The following POTEF variants were observed in gnomAD, a reference collection of about 807,000 sequenced individuals.
POTEF encodes the protein ANKRD26-like family C member 1B.
Under a neutral mutation model 83.2 loss-of-function variants are expected in POTEF, and 20 were observed. The observed-to-expected ratio is 0.24, with a 90% CI of 0.17 to 0.35. The LOEUF is 0.35. Among genes scored for constraint, POTEF ranks in the 10% least tolerant of loss-of-function variants. POTEF has a pLI of 1.00. For missense variants in POTEF, 550 were observed against 1,203.2 expected (o/e 0.46, Z 8.03); for synonymous variants, 196 against 446.4 (o/e 0.44, Z 7.07).
At chr2:130,102,866 T>A (rs1242859561) in intron 8 of POTEF, among the ~76,000 whole-genome samples, 1 of 151,670 alleles carries the variant, frequency 6.6e-6, no homozygotes, top group Admixed American at 6.6e-5. Context: ...CCAAGCCCTG[T>A]CTTTGTTCAG....
chr2:130,115,166 T>C (rs1287741258), intron 4 of POTEF, 48 bp downstream of exon 4: 79 of 1,612,194 alleles, frequency 4.9e-5, no homozygotes, highest in Non-Finnish European at 6.3e-5. Context: ...TTATGCCATG[T>C]ATTGAAATCA....
At chr2:130,076,555 A>C (rs1046562567) in intron 16 of POTEF, among the ~76,000 whole-genome samples, 30 of 145,452 alleles carry the variant, frequency 2.1e-4, no homozygotes, top group Admixed American at 6.3e-4. Context: ...TCAATAAATT[A>C]TTACTAAATG....
intron 8 of POTEF, among the ~76,000 whole-genome samples, chr2:130,102,517 AGT>A (rs2104802018): frequency 6.9e-6 from 1 of 144,094 alleles, no homozygotes; most frequent in African/African-American, 2.7e-5. Context: ...AAGGAAATTT[AGT>A]TTTAAAGAGA....
chr2:130,125,760 G>A (rs1406346485), intron 2 of POTEF, among the ~76,000 whole-genome samples: 1 of 151,876 alleles, frequency 6.6e-6, no homozygotes, highest in Admixed American at 6.5e-5. Flanking sequence ...ACAAAAAGTA[G>A]CCGGGCGTGG....
In POTEF at chr2:130,109,225, G is replaced by A. The variant is rs1165791166; in HGVS notation, c.1056-1146C>T. The A allele has an allele frequency of 3.3e-5, 5 of 149,464 alleles. No homozygotes were observed. In the East Asian group the frequency reaches 9.8e-4, roughly 29 times the overall value. The allele number at this position is 149,464 out of a possible 1,614,324, so 9.3% of individuals were successfully genotyped here. ...TGCACAAAATATGGAATGCTTCAAA[G>A]ATCTGTCCTGCCTCCTTATGCAGAA... On this transcript the variant is annotated intron_variant, in intron 7 of 16. Transcript: ENST00000409914.
intron 1 of POTEF, among the ~76,000 whole-genome samples, chr2:130,128,579 G>A (rs1376441678): frequency 7.4e-6 from 1 of 134,546 alleles, no homozygotes; most frequent in African/African-American, 2.8e-5. Context: ...CACAGGCAGT[G>A]TAGCACCCGA....
chr2:130,104,036 T>C (rs1391599213), intron 8 of POTEF, among the ~76,000 whole-genome samples: 2 of 146,684 alleles, frequency 1.4e-5, no homozygotes, highest in African/African-American at 2.6e-5. Flanking sequence ...CATTTAGATA[T>C]AGATCACTTT....
Position 130,107,631 on chromosome 2 carries a change from T to G in POTEF, c.1126+378A>C. On this transcript the variant is annotated intron_variant, in intron 8 of 16. Transcript: ENST00000409914. ...CCTCCAGTCAGATCAGTGATAGCAT[T>G]AGATACTCATTGGAGCATGAACCCT... The G allele has an allele frequency of 1.0e-5, 3 of 293,930 alleles. No individual in the cohort carries two copies. In the South Asian group the frequency reaches 1.1e-4, roughly 11 times the overall value. 18.2% of individuals were successfully genotyped at this position (293,930 alleles called of 1,614,324 possible).
chr2:130,117,107 G>A (rs905801786), intron 3 of POTEF, among the ~76,000 whole-genome samples: 4 of 151,492 alleles, frequency 2.6e-5, no homozygotes, highest in East Asian at 1.9e-4. Context: ...ATTTGCAATA[G>A]TAATAATCAC....
At chr2:130,115,980 T>C (rs1351220202) in intron 3 of POTEF, among the ~76,000 whole-genome samples, 1 of 152,058 alleles carries the variant, frequency 6.6e-6, no homozygotes, top group East Asian at 1.9e-4. Flanking sequence ...CATAAAATAA[T>C]GGGGCATCAC....
At chr2:130,096,941 C>CA (rs1439289107) in intron 11 of POTEF, among the ~76,000 whole-genome samples, 1 of 141,900 alleles carries the variant, frequency 7.0e-6, no homozygotes, top group Non-Finnish European at 1.5e-5. Flanking sequence ...AACTCCGTCT[C>CA]AAAAAAAGAA....
intron 8 of POTEF, chr2:130,107,757 A>T: frequency 2.2e-6 from 1 of 444,778 alleles, no homozygotes; most frequent in Non-Finnish European, 4.0e-6. Flanking sequence ...AGATGAGACC[A>T]TCCAGTTGCA....
chr2:130,114,001 C>T (rs1684778349), intron 5 of POTEF, among the ~76,000 whole-genome samples: 1 of 152,054 alleles, frequency 6.6e-6, no homozygotes, highest in African/African-American at 2.4e-5. Flanking sequence ...TATCTTCCAC[C>T]TTCCCATCCA....
At chr2:130,112,775 ATACT>A (rs879803310) in intron 5 of POTEF, among the ~76,000 whole-genome samples, 10 of 149,218 alleles carry the variant, frequency 6.7e-5, no homozygotes, top group Non-Finnish European at 1.3e-4. Context: ...AAAGCTCTAC[ATACT>A]TAAGAGACAC....
chr2:130,100,789 A>G lies in POTEF; in HGVS notation c.1198-69T>C, dbSNP rs1258244466. The G allele has an allele frequency of 3.3e-5, 51 of 1,562,134 alleles. 2 individuals carry two copies. The South Asian group carries it at 6.1e-4, about 19-fold the overall frequency. ...TGTGATGTGTCCTCTTTTGGAGCGCATGTTTTAAAAAAATTTTATTCTTAA... is the reference window on the plus strand; with the variant it reads ...TGTGATGTGTCCTCTTTTGGAGCGCGTGTTTTAAAAAAATTTTATTCTTAA... On this transcript the variant is annotated intron_variant, in intron 9 of 16. Transcript: ENST00000409914.
chr2:130,118,389 G>C (rs1684898759), intron 3 of POTEF, among the ~76,000 whole-genome samples: 1 of 151,880 alleles, frequency 6.6e-6, no homozygotes, highest in Non-Finnish European at 1.5e-5. Flanking sequence ...TTTAAAATGA[G>C]CTTATTTTAT....
At chr2:130,111,427 A>G (rs1457569756) in intron 6 of POTEF, among the ~76,000 whole-genome samples, 1 of 152,060 alleles carries the variant, frequency 6.6e-6, no homozygotes, top group Non-Finnish European at 1.5e-5. Context: ...AATTAAAAAT[A>G]AAAACATCAA....
intron 3 of POTEF, among the ~76,000 whole-genome samples, chr2:130,118,923 T>C (rs1684919794): frequency 6.6e-6 from 1 of 150,714 alleles, no homozygotes; most frequent in East Asian, 1.9e-4. Flanking sequence ...TAACATATAT[T>C]TGGGTATTTC....
At chr2:130,123,507 GAA>G (rs1685036394) in intron 2 of POTEF, among the ~76,000 whole-genome samples, 1 of 151,394 alleles carries the variant, frequency 6.6e-6, no homozygotes, top group Non-Finnish European at 1.5e-5. Flanking sequence ...TAAGTTATTG[GAA>G]AGCCAACAAG....
Sources: allele counts gnomAD v4.1 joint callset (sites outside exome capture counted in the v4.1 genomes callset), GRCh38; gene constraint gnomAD v4.1.1; transcripts MANE v1.5; gene names NCBI Gene and HGNC (gene_info 2026-07-23, HGNC 2026-07-21).